Variants in FARP2 observed in about 807,000 individuals in gnomAD.
The protein encoded by FARP2 is FERM, ARHGEF and pleckstrin domain-containing protein 2.
In FARP2, 111 loss-of-function variants were observed where a neutral mutation model predicts 130.5. The observed-to-expected ratio is 0.85, with a 90% CI of 0.73 to 1.00. The LOEUF (loss-of-function observed/expected upper bound fraction) is 1.00, where lower values mean the gene tolerates loss of function less well. Among genes scored for constraint, FARP2 ranks in the 50% least tolerant of loss-of-function variants. The pLI is 0.00. For synonymous variants in FARP2, 504 were observed against 516.9 expected (o/e 0.98, Z 0.34); for missense variants, 1,385 against 1,346.3 (o/e 1.03, Z -0.45).
At chr2:241,440,878 T>C (rs2063364837) in intron 12 of FARP2, among the ~76,000 whole-genome samples, 1 of 152,068 alleles carries the variant, frequency 6.6e-6, no homozygotes, top group African/African-American at 2.4e-5. Flanking sequence ...TGGCCAGGCA[T>C]GGTGGCATGT....
rs897480044 is a variant in FARP2, at chr2:241,459,154, G to A, written c.1587+2232G>A. Among the ~76,000 whole-genome samples the A allele has an allele frequency of 4.6e-5, 7 of 152,332 alleles. No individual in the cohort carries two copies. The highest frequency in any genetic ancestry group is 1.4e-4 in the African/African-American group (6 of 41,564). Reference sequence around the variant, plus strand: ...GGTGGGCTCCGAGATGGCAAGGATGGCCCTTTCATCACCATGCAGGGGCTG... The same window carrying A: ...GGTGGGCTCCGAGATGGCAAGGATGACCCTTTCATCACCATGCAGGGGCTG... On this transcript the variant is annotated intron_variant, in intron 14 of 26. Transcript: ENST00000264042. This position sits in a 1 kb window ranked among gnomAD's most constrained non-coding sequence, Gnocchi z 5.3.
chr2:241,371,056 C>T (rs1314463439), intron 1 of FARP2, among the ~76,000 whole-genome samples: 8 of 152,170 alleles, frequency 5.3e-5, no homozygotes, highest in Non-Finnish European at 1.0e-4. Context: ...TTTAGCTCTT[C>T]ATTTTTTGCT....
intron 11 of FARP2, among the ~76,000 whole-genome samples, chr2:241,435,631 C>T (rs1408775595): frequency 6.6e-6 from 1 of 151,278 alleles, no homozygotes; most frequent in East Asian, 2.0e-4. Flanking sequence ...TCTGCCTCAG[C>T]CTCCCGAGTA....
intron 13 of FARP2, among the ~76,000 whole-genome samples, chr2:241,448,361 T>G (rs1306533291): frequency 6.6e-6 from 1 of 152,232 alleles, no homozygotes. Context: ...GTTGACTGAT[T>G]TAGATGGTAA....
At chr2:241,449,942 G>A (rs2150435504) in intron 13 of FARP2, among the ~76,000 whole-genome samples, 1 of 152,036 alleles carries the variant, frequency 6.6e-6, no homozygotes, top group East Asian at 1.9e-4. Context: ...GGGAGGCAGA[G>A]GTTGGAGTGA....
At chr2:241,443,405 G>A (rs2150420114) in intron 13 of FARP2, 1 of 152,650 alleles carries the variant, frequency 6.6e-6, no homozygotes, top group Admixed American at 6.5e-5. Context: ...CAGCTTAATT[G>A]GGAACTAGAA....
chr2:241,450,263 T>C (rs1056342837), intron 13 of FARP2, among the ~76,000 whole-genome samples: 5 of 151,714 alleles, frequency 3.3e-5, no homozygotes, highest in Non-Finnish European at 7.4e-5. Context: ...CTCGGAAGGC[T>C]GAGGTGGGAG....
intron 13 of FARP2, among the ~76,000 whole-genome samples, chr2:241,449,197 C>G (rs897371157): frequency 1.3e-5 from 2 of 152,088 alleles, no homozygotes; most frequent in South Asian, 4.1e-4. Flanking sequence ...CGGTGGCTCA[C>G]GCCTGTAATC....
chr2:241,404,885 G>T, intron 4 of FARP2, 44 bp downstream of exon 4: 3 of 1,443,046 alleles, frequency 2.1e-6, no homozygotes, highest in Non-Finnish European at 2.9e-6. Context: ...TGTTTAAGAT[G>T]TGTTGTCCTG....
intron 2 of FARP2, among the ~76,000 whole-genome samples, chr2:241,396,381 A>G (rs1371393107): frequency 1.2e-4 from 18 of 152,140 alleles, no homozygotes; most frequent in Middle Eastern, 6.8e-3. Context: ...AGAAACTACC[A>G]TCAGAGTGAA....
At chr2:241,472,086 G>C (rs1395944373) in intron 18 of FARP2, among the ~76,000 whole-genome samples, 1 of 62,364 alleles carries the variant, frequency 1.6e-5, no homozygotes, top group African/African-American at 5.8e-5. Flanking sequence ...TCCTGTTCTG[G>C]GGGGGTTCTG....
At position 241,473,140 on chromosome 2, in the gene FARP2, T is replaced by C. The variant is rs1433168347; in HGVS notation, c.2132-2717T>C. Among the ~76,000 whole-genome samples the C allele has an allele frequency of 2.6e-5, 4 of 151,976 alleles. No individual in the cohort carries two copies. The East Asian group carries it at 7.8e-4, about 30-fold the overall frequency. On this transcript the variant is annotated intron_variant, in intron 18 of 26. Transcript: ENST00000264042. ...GGATCCTGTTCTATGAGGACTCTTT[T>C]TCTGAGGGGACTCTGTTCTGTGGGG... is the stretch of plus-strand genomic sequence containing the variant.
chr2:241,462,654 ATC>A, intron 15 of FARP2, 42 bp downstream of exon 15: 1 of 1,241,524 alleles, frequency 8.1e-7, no homozygotes, highest in Non-Finnish European at 1.2e-6. Context: ...TTTAAAATAA[ATC>A]TCTCATCTGA....
At chr2:241,465,412 G>A (rs1179547855) in intron 17 of FARP2, 1 of 1,466,106 alleles carries the variant, frequency 6.8e-7, no homozygotes, top group Non-Finnish European at 9.3e-7. Context: ...GCAGGGCCCT[G>A]GGACTTGTTT....
intron 14 of FARP2, among the ~76,000 whole-genome samples, chr2:241,458,246 A>G (rs1003704321): frequency 6.6e-6 from 1 of 152,102 alleles, no homozygotes. Flanking sequence ...GGGGTCCCTG[A>G]GTGGCAGCTG....
chr2:241,372,619 G>A (rs2061448739), intron 1 of FARP2: 1 of 152,268 alleles, frequency 6.6e-6, no homozygotes, highest in Non-Finnish European at 1.5e-5. Context: ...TGTGCTTTGT[G>A]GAGCCTGTTT....
intron 1 of FARP2, among the ~76,000 whole-genome samples, chr2:241,369,777 G>C (rs991529462): frequency 1.6e-4 from 24 of 152,148 alleles, no homozygotes; most frequent in Admixed American, 5.2e-4. Flanking sequence ...CCTATCCTTT[G>C]TTTCAGAAGA....
In FARP2 at chr2:241,417,887, C is replaced by G. The variant is rs987500459; in HGVS notation, c.624-75C>G. ...AGCCTTCATTGTTGGTTTTCCTGAT[C>G]GCTTCTATAATGCATTTTGGCTCTT... On this transcript the variant is annotated intron_variant, in intron 7 of 26. Coordinates refer to ENST00000264042, the MANE Select transcript of FARP2 (RefSeq NM_014808.4). The G allele has an allele frequency of 6.0e-6, 9 of 1,497,642 alleles. No homozygotes were observed. In the African/African-American group the frequency reaches 8.3e-5, roughly 14 times the overall value. 92.8% of individuals were successfully genotyped at this position (1,497,642 alleles called of 1,614,324 possible).
intron 17 of FARP2, chr2:241,466,734 A>G: frequency 2.5e-6 from 1 of 404,766 alleles, no homozygotes; most frequent in Non-Finnish European, 3.2e-6. Context: ...AGGGGCTTCC[A>G]GAGCTTTTAC....
Sources: allele counts gnomAD v4.1 joint callset (sites outside exome capture counted in the v4.1 genomes callset), GRCh38; gene constraint gnomAD v4.1.1; non-coding constraint Gnocchi (gnomAD v3.1); transcripts MANE v1.5; gene names NCBI Gene and HGNC (gene_info 2026-07-23, HGNC 2026-07-21).